The following USP6 variants were observed in gnomAD, a reference collection of about 807,000 sequenced individuals.
USP6 encodes the protein ubiquitin carboxyl-terminal hydrolase 6.
A neutral mutation model predicts 175.7 loss-of-function variants in USP6; 128 were observed. The ratio of observed to expected loss-of-function variants is 0.73; its 90% CI spans 0.63 to 0.84. USP6 has a LOEUF of 0.84. Among genes scored for constraint, USP6 ranks in the 40% least tolerant of loss-of-function variants. The probability of loss-of-function intolerance (pLI) is 0.00; values close to 1 mark genes in which losing one functional copy is unlikely to be tolerated. For missense variants in USP6, 1,498 were observed against 1,760.3 expected, an observed-to-expected ratio of 0.85 and a Z score of 2.67; for synonymous variants, 562 against 630.6, an observed-to-expected ratio of 0.89 and a Z score of 1.63.
At chr17:5,123,654 A>G (rs2072784326) in intron 4 of USP6, among the ~76,000 whole-genome samples, 1 of 152,166 alleles carries the variant, frequency 6.6e-6, no homozygotes, top group Non-Finnish European at 1.5e-5. Flanking sequence ...GGACCCGCAG[A>G]ACGCATACTC....
At chr17:5,153,057 C>T (rs185945891) in intron 30 of USP6, among the ~76,000 whole-genome samples, 54 of 152,164 alleles carry the variant, frequency 3.5e-4, no homozygotes, top group African/African-American at 1.3e-3. Context: ...ACTTTTAAAA[C>T]AGGGAAAATG....
At position 5,133,809 on chromosome 17, in the gene USP6, G is replaced by A. The variant is rs574399201; in HGVS notation, c.385-78G>A. 106 of 1,443,900 alleles carry A rather than the reference G, an allele frequency of 7.3e-5. 1 individual carries two copies. The South Asian group carries it at 1.1e-3, about 15-fold the overall frequency. The allele number at this position is 1,443,900 out of a possible 1,614,324, so 89.4% of individuals were successfully genotyped here. A position where few individuals can be genotyped will look rare whatever the true frequency, so the allele number is the denominator to read the frequency against. ...TTCCTTCCTTCCCGAAGTGCTGACT[G>A]TGGGCTGACTGCCATTTGGGGCAGG... On this transcript the variant is annotated intron_variant, in intron 14 of 37. Coordinates refer to ENST00000574788, the MANE Select transcript of USP6 (RefSeq NM_001304284.2).
At chr17:5,144,900 C>T (rs1408760148) in intron 26 of USP6, 37 bp downstream of exon 26, 1 of 1,557,984 alleles carries the variant, frequency 6.4e-7, no homozygotes, top group African/African-American at 1.4e-5. Flanking sequence ...AAGCAATAGA[C>T]AAAATGTTCT....
At chr17:5,147,233 T>G (rs2073639337) in intron 29 of USP6, 39 bp downstream of exon 29, 1 of 1,556,566 alleles carries the variant, frequency 6.4e-7, no homozygotes, top group Non-Finnish European at 8.8e-7. Flanking sequence ...GACTGCACCT[T>G]TAAATATTTG....
intron 22 of USP6, 122 bp downstream of exon 22, chr17:5,139,796 G>A (rs2073387466): frequency 8.2e-6 from 13 of 1,594,592 alleles, no homozygotes; most frequent in East Asian, 2.2e-5. Flanking sequence ...GCAGCAGTGC[G>A]CTCCCACTTC....
At position 5,141,477 on chromosome 17, in the gene USP6, T is replaced by C; in HGVS notation, c.1551T>C (p.Ser517=). ...WPEEMSFTAN[S]SKIDRQKVPT... is the part of the protein sequence containing the mutation. ...AGGAGATGTCTTTTACAGCAAATAG[T>C]AGTAAAATAGATAGACAAAAGGGTA... The change falls in exon 23 of 38, where the codon AGT becomes AGC. Residue 517 remains serine (S), a synonymous_variant. Transcript: ENST00000574788. 1 of 1,607,066 alleles carries C rather than the reference T, an allele frequency of 6.2e-7. No individual in the cohort carries two copies. The highest frequency in any genetic ancestry group is 1.1e-5 in the South Asian group (1 of 88,726).
rs187554304 is a variant in USP6 at position 5,124,634 on chromosome 17, C to T, written c.-1230C>T. ...CTGGAACAGAGCCTTCCTGCACAGC[C>T]TCAGAAGGGACCCACCCTGGTGACA... On this transcript the variant is annotated 5_prime_UTR_variant, in exon 5 of 38. Coordinates refer to ENST00000574788, the MANE Select transcript of USP6 (RefSeq NM_001304284.2). 2 of 152,514 alleles carry T rather than the reference C, an allele frequency of 1.3e-5. No homozygotes were observed. Among genetic ancestry groups the T allele is most frequent in the African/African-American group, 2.4e-5 (1 of 41,576 alleles). 9.4% of individuals were successfully genotyped at this position (152,514 alleles called of 1,614,324 possible). A position where few individuals can be genotyped will look rare whatever the true frequency, so the allele number is the denominator to read the frequency against.
At position 5,173,238 on chromosome 17, in the gene USP6, A is replaced by G. The variant is rs575635418; in HGVS notation, c.*260A>G. On this transcript the variant is annotated 3_prime_UTR_variant, in exon 38 of 38. Transcript: ENST00000574788. ...AAAGGTGTGGCACCAGCCACCTGGG[A>G]CCAAATAAGAATTGAATTGTGCTTG... is the stretch of plus-strand genomic sequence containing the variant. 4.4e-5 allele frequency: 19 copies of G among 434,760 alleles called. No individual in the cohort carries two copies. Among genetic ancestry groups the G allele is most frequent in the Non-Finnish European group, 7.8e-5 (19 of 242,486 alleles). The allele number at this position is 434,760 out of a possible 1,614,324, so 26.9% of individuals were successfully genotyped here.
chr17:5,139,452 C>A lies in USP6; in HGVS notation c.1276C>A (p.Pro426Thr), dbSNP rs1331979553. ...TGGGGCTGTCCGGGAAGACACGTAC[C>A]CTGTGGGCACTCAGGGTGTGCCCAG... ...PGGAVREDTY[P>T]VGTQGVPSLA... The change falls in exon 22 of 38, where the codon CCT becomes ACT. Residue 426 changes from proline (P) to threonine (T), a missense_variant. This residue lies in a region of USP6 where 1,217 missense variants were observed against 1,500.8 expected (regional missense o/e 0.81). Coordinates refer to ENST00000574788, the MANE Select transcript of USP6 (RefSeq NM_001304284.2). The A allele has an allele frequency of 1.2e-6, 2 of 1,613,142 alleles. No individual in the cohort carries two copies. Among genetic ancestry groups the A allele is most frequent in the Non-Finnish European group, 1.7e-6 (2 of 1,180,020 alleles).
intron 7 of USP6, chr17:5,128,684 T>G (rs1291514166): frequency 1.3e-5 from 2 of 152,594 alleles, no homozygotes; most frequent in African/African-American, 4.8e-5. Context: ...GCAGGCATGT[T>G]GACGCCTCAG....
At chr17:5,166,518 C>T (rs2074099604) in intron 33 of USP6, among the ~76,000 whole-genome samples, 1 of 152,092 alleles carries the variant, frequency 6.6e-6, no homozygotes, top group Admixed American at 6.6e-5. Context: ...AGGAAGTTCA[C>T]CTCTGGAAGG....
chr17:5,119,691 G>A (rs141622798), intron 2 of USP6, among the ~76,000 whole-genome samples: 46 of 152,320 alleles, frequency 3.0e-4, no homozygotes, highest in African/African-American at 1.1e-3. Context: ...GTAACTCAGT[G>A]TAAGAACACA....
intron 10 of USP6, 69 bp from the exon 11 acceptor site, chr17:5,130,533 T>C: frequency 6.2e-7 from 1 of 1,610,742 alleles, no homozygotes; most frequent in Admixed American, 1.7e-5. Flanking sequence ...CAGGGACGGG[T>C]GGCCAATACC....
chr17:5,141,059 G>A (rs2073431016), intron 22 of USP6, among the ~76,000 whole-genome samples: 1 of 152,096 alleles, frequency 6.6e-6, no homozygotes, highest in Admixed American at 6.5e-5. Context: ...TGTATTTTTA[G>A]TTGTACCTTT....
chr17:5,116,549 A>G lies in USP6; in HGVS notation c.-2119A>G, dbSNP rs1422694632. ...AGCTCAGCCTAGTGGGGCGGGCGAC[A>G]AGTTACAGTTGCTGCCTTACGATGG... On this transcript the variant is annotated 5_prime_UTR_variant, in exon 1 of 38. Transcript: ENST00000574788. 1 of 152,266 alleles carries G rather than the reference A, an allele frequency of 6.6e-6. No homozygotes were observed. The highest frequency in any genetic ancestry group is 1.5e-5 in the Non-Finnish European group (1 of 68,094). The allele number at this position is 152,266 out of a possible 1,614,324, so 9.4% of individuals were successfully genotyped here.
At chr17:5,167,819 T>G in intron 33 of USP6, 113 bp from the exon 34 acceptor site, 1 of 1,306,510 alleles carries the variant, frequency 7.7e-7, no homozygotes, top group Non-Finnish European at 1.0e-6. Flanking sequence ...TATTTTCTTT[T>G]TCCTTATAAA....
chr17:5,168,632 C>T, intron 34 of USP6, 135 bp from the exon 35 acceptor site: 1 of 1,329,642 alleles, frequency 7.5e-7, no homozygotes, highest in Non-Finnish European at 1.0e-6. Flanking sequence ...TTTTTGAAGT[C>T]TTTAAAAAAT....
intron 25 of USP6, among the ~76,000 whole-genome samples, chr17:5,144,089 T>C (rs550377459): frequency 1.3e-5 from 2 of 152,274 alleles, no homozygotes; most frequent in East Asian, 3.9e-4. Context: ...CTATAACAGC[T>C]ACACATTTGA....
intron 25 of USP6, among the ~76,000 whole-genome samples, chr17:5,143,800 C>T (rs974049200): frequency 5.3e-5 from 8 of 151,562 alleles, no homozygotes; most frequent in African/African-American, 1.2e-4. Context: ...GTGGTGCATG[C>T]TTGTAATCCC....
Sources: allele counts gnomAD v4.1 joint callset (sites outside exome capture counted in the v4.1 genomes callset), GRCh38; gene constraint gnomAD v4.1.1; regional missense constraint gnomAD v4.1.1; transcripts MANE v1.5; gene names NCBI Gene and HGNC (gene_info 2026-07-23, HGNC 2026-07-21).